Variants in RPS6KC1 observed in about 807,000 individuals in gnomAD.
The protein encoded by RPS6KC1 is inactive ribosomal protein S6 kinase delta-1.
RPS6KC1 carries 54 observed loss-of-function variants against 103.8 expected under a neutral mutation model. That is an observed-to-expected ratio of 0.52 (90% CI 0.42 to 0.65). RPS6KC1 has a LOEUF of 0.65. Ranked by LOEUF, RPS6KC1 falls within the 30% of genes least tolerant of loss-of-function variation. RPS6KC1 has a pLI of 0.00. For missense variants in RPS6KC1, 1,151 were observed against 1,253.8 expected, an observed-to-expected ratio of 0.92 and a Z score of 1.24; for synonymous variants, 439 against 438.7, an observed-to-expected ratio of 1.00 and a Z score of -0.01.
the RPS6KC1 span, among the ~76,000 whole-genome samples, chr1:213,570,606 CTA>C: frequency 1.4e-4 from 21 of 152,198 alleles, no homozygotes; most frequent in Admixed American, 1.4e-3. Context: ...TTCATTTCCT[CTA>C]TAATTGAAAC....
the RPS6KC1 span, among the ~76,000 whole-genome samples, chr1:213,366,887 A>G: frequency 6.6e-6 from 1 of 152,146 alleles, no homozygotes; most frequent in Non-Finnish European, 1.5e-5. Context: ...TCTTCCCTGC[A>G]TTTGTCCTAG....
chr1:213,367,127 C>A, the RPS6KC1 span, among the ~76,000 whole-genome samples: 1 of 152,202 alleles, frequency 6.6e-6, no homozygotes, highest in South Asian at 2.1e-4. Context: ...AATGGTATAT[C>A]CACTGTTGGG....
chr1:213,567,135 T>C, the RPS6KC1 span, among the ~76,000 whole-genome samples: 2 of 152,222 alleles, frequency 1.3e-5, no homozygotes, highest in Non-Finnish European at 2.9e-5. Flanking sequence ...GCATCTACAG[T>C]AAAGTTGAAC....
At chr1:213,756,330 G>C in the RPS6KC1 span, among the ~76,000 whole-genome samples, 1 of 152,332 alleles carries the variant, frequency 6.6e-6, no homozygotes, top group East Asian at 1.9e-4. Flanking sequence ...AAAAGCCTTA[G>C]TGTCTTAACA....
chr1:213,717,109 G>C, the RPS6KC1 span, among the ~76,000 whole-genome samples: 31,470 of 152,160 alleles, frequency 0.21, 3,750 homozygotes, highest in South Asian at 0.3. Context: ...CCAGCTAGCA[G>C]CATGGCAAAA....
At chr1:213,648,112 C>T in the RPS6KC1 span, among the ~76,000 whole-genome samples, 1 of 152,082 alleles carries the variant, frequency 6.6e-6, no homozygotes, top group Admixed American at 6.6e-5. Flanking sequence ...TATGACAAGT[C>T]ATCAAGCAAA....
the RPS6KC1 span, among the ~76,000 whole-genome samples, chr1:213,750,117 G>T: frequency 6.6e-6 from 1 of 152,138 alleles, no homozygotes; most frequent in Admixed American, 6.5e-5. Context: ...CTATCTCCTG[G>T]TTTTGGTTTA....
chr1:213,431,882 C>A, the RPS6KC1 span, among the ~76,000 whole-genome samples: 1 of 152,074 alleles, frequency 6.6e-6, no homozygotes, highest in African/African-American at 2.4e-5. Flanking sequence ...ATGAAGATTT[C>A]CAAAGAGTGT....
chr1:213,602,094 TTCTTTCTTTCTTTCTTTCTTTCTTTC>T, the RPS6KC1 span, among the ~76,000 whole-genome samples: 48 of 35,154 alleles, frequency 1.4e-3, no homozygotes, highest in African/African-American at 2.0e-3. Flanking sequence ...CTTTCTTTCT[TTCTTTCTTTCTTTCTTTCTTTCTTTC>T]TCTTTCTTTC....
At chr1:213,269,792 G>A (rs752681752) in intron 14 of RPS6KC1, among the ~76,000 whole-genome samples, 6 of 152,034 alleles carry the variant, frequency 3.9e-5, no homozygotes, top group Non-Finnish European at 7.4e-5. Flanking sequence ...GTGTGCTCCT[G>A]TAGTCCCAGC....
At chr1:213,791,765 C>T in the RPS6KC1 span, among the ~76,000 whole-genome samples, 1 of 152,194 alleles carries the variant, frequency 6.6e-6, no homozygotes, top group Non-Finnish European at 1.5e-5. Flanking sequence ...CGTATAACCC[C>T]ATCTCACAGA....
intron 4 of RPS6KC1, among the ~76,000 whole-genome samples, chr1:213,115,452 T>G (rs1211227660): frequency 2.0e-5 from 3 of 152,222 alleles, no homozygotes; most frequent in South Asian, 4.1e-4. Context: ...CTTTTTTTCT[T>G]TATTAGTCTT....
the RPS6KC1 span, among the ~76,000 whole-genome samples, chr1:213,396,619 C>T: frequency 6.6e-6 from 1 of 152,200 alleles, no homozygotes; most frequent in African/African-American, 2.4e-5. Flanking sequence ...GAGCCTGTTA[C>T]CTCGAGAGTT....
Position 213,153,243 on chromosome 1 carries a change from G to GGGGAGA in RPS6KC1, c.836-14588_836-14583dup, listed in dbSNP as rs374821575. Among the ~76,000 whole-genome samples the GGGGAGA allele has an allele frequency of 9.1e-3, 1,373 of 151,160 alleles. 25 individuals carry two copies. The highest frequency in any genetic ancestry group is 0.031 in the African/African-American group (1,259 of 40,786). ...GGAAAGAGAGGGAGAGGGAGACCGT[G>GGGGAGA]GGGAGAGGGAGAGGGAGAGGGAGAG... On this transcript the variant is annotated intron_variant, in intron 6 of 14. Transcript: ENST00000366960.
the RPS6KC1 span, among the ~76,000 whole-genome samples, chr1:213,631,725 GC>G: frequency 3.9e-5 from 6 of 151,982 alleles, no homozygotes; most frequent in Admixed American, 6.6e-5. Context: ...GTTGATTTTT[GC>G]TAATCTAATG....
At chr1:213,184,990 C>T (rs2092456453) in intron 8 of RPS6KC1, among the ~76,000 whole-genome samples, 1 of 152,106 alleles carries the variant, frequency 6.6e-6, no homozygotes, top group Non-Finnish European at 1.5e-5. Flanking sequence ...CTGAAAATGT[C>T]AGTAGGCCTA....
the RPS6KC1 span, among the ~76,000 whole-genome samples, chr1:213,522,185 G>A: frequency 0.021 from 3,179 of 152,306 alleles, 66 homozygotes; most frequent in Middle Eastern, 0.061. Flanking sequence ...TCATCTATTT[G>A]CACATCTCCA....
At chr1:213,490,179 T>C in the RPS6KC1 span, among the ~76,000 whole-genome samples, 293 of 152,282 alleles carry the variant, frequency 1.9e-3, no homozygotes, top group African/African-American at 6.1e-3. Flanking sequence ...GGGTGTGGTT[T>C]CTGCTTTTTC....
At chr1:213,660,260 T>A in the RPS6KC1 span, among the ~76,000 whole-genome samples, 1 of 152,198 alleles carries the variant, frequency 6.6e-6, no homozygotes, top group Non-Finnish European at 1.5e-5. Flanking sequence ...GACTGAAATT[T>A]TAATGTAGGC....
Sources: gnomAD v4.1 joint callset for allele counts (sites outside exome capture counted in the v4.1 genomes callset) on GRCh38, gnomAD v4.1.1 for gene constraint, MANE v1.5 for transcripts, NCBI Gene and HGNC (gene_info 2026-07-23, HGNC 2026-07-21) for gene names.